TECPR2: variants seen among roughly 807,000 people sequenced by gnomAD.
TECPR2 encodes tectonin beta-propeller repeat-containing protein 2.
A neutral mutation model predicts 138.1 loss-of-function variants in TECPR2; 65 were observed. The observed-to-expected ratio is 0.47, with a 90% CI of 0.39 to 0.58. The LOEUF is 0.58. TECPR2 is among the 20% of genes least tolerant of loss of function. The pLI, the probability that TECPR2 is intolerant of heterozygous loss-of-function variation, is 0.00. For missense variants in TECPR2, 1,553 were observed against 1,824.5 expected (o/e 0.85, Z 2.71); for synonymous variants, 746 against 749.8 (o/e 0.99, Z 0.08).
chr14:102,496,939 C>A (rs770334758), intron 17 of TECPR2, 40 bp from the exon 18 acceptor site: 1 of 1,605,996 alleles, frequency 6.2e-7, no homozygotes, highest in African/African-American at 1.3e-5. Flanking sequence ...CTCTTGTCAC[C>A]CAACTCCTGC....
Position 102,498,570 on chromosome 14 carries a change from G to T in TECPR2, c.*313G>T. 1 of 458,858 alleles carries T rather than the reference G, an allele frequency of 2.2e-6. No homozygotes were observed. The highest frequency in any genetic ancestry group is 4.0e-6 in the Non-Finnish European group (1 of 247,870). The allele number at this position is 458,858 out of a possible 1,614,324, so 28.4% of individuals were successfully genotyped here. ...TCATCCACAGATAGCTCCAGCTTTT[G>T]TTGGTGGGAGTGGTCTCCGGAGGCC... On this transcript the variant is annotated 3_prime_UTR_variant, in exon 20 of 20. Coordinates refer to ENST00000359520, the MANE Select transcript of TECPR2 (RefSeq NM_014844.5).
intron 5 of TECPR2, among the ~76,000 whole-genome samples, chr14:102,417,885 C>T (rs1296357365): frequency 6.9e-5 from 10 of 145,526 alleles, no homozygotes; most frequent in African/African-American, 2.6e-4. Flanking sequence ...GAGGCTGGCA[C>T]GGGAGTCCAG....
intron 2 of TECPR2, among the ~76,000 whole-genome samples, chr14:102,381,540 C>T (rs910025941): frequency 6.6e-6 from 1 of 152,182 alleles, no homozygotes; most frequent in South Asian, 2.1e-4. Context: ...TGCCAGTGCA[C>T]TCCAGCCTAG....
At chr14:102,469,430 C>T (rs1890615568) in intron 17 of TECPR2, among the ~76,000 whole-genome samples, 2 of 152,136 alleles carry the variant, frequency 1.3e-5, no homozygotes, top group South Asian at 4.1e-4. Context: ...CCTTGCTAAA[C>T]TTGTTTATTG....
At chr14:102,445,616 T>C (rs1889953890) in intron 12 of TECPR2, among the ~76,000 whole-genome samples, 190 bp from the exon 13 acceptor site, 1 of 152,130 alleles carries the variant, frequency 6.6e-6, no homozygotes, top group Admixed American at 6.6e-5. Context: ...GCCACCCACT[T>C]GAACCATATC....
intron 17 of TECPR2, among the ~76,000 whole-genome samples, chr14:102,474,605 C>T (rs749213440): frequency 4.2e-4 from 64 of 152,108 alleles, no homozygotes; most frequent in Non-Finnish European, 8.2e-4. Context: ...GCCTGGACAA[C>T]AAGAGCGAAA....
At chr14:102,435,932 C>T (rs1335243700) in intron 9 of TECPR2, among the ~76,000 whole-genome samples, 4 of 152,148 alleles carry the variant, frequency 2.6e-5, no homozygotes, top group South Asian at 2.1e-4. Flanking sequence ...TACTAACTGT[C>T]GATGTGAGGT....
chr14:102,383,965 G>T (rs1356491733), intron 2 of TECPR2, among the ~76,000 whole-genome samples: 1 of 147,554 alleles, frequency 6.8e-6, no homozygotes, highest in Non-Finnish European at 1.5e-5. Flanking sequence ...TTGTTGCCTA[G>T]CCTGGAGTGC....
intron 17 of TECPR2, among the ~76,000 whole-genome samples, chr14:102,488,460 C>T (rs147871465): frequency 0.028 from 4,319 of 152,114 alleles, 81 homozygotes; most frequent in Middle Eastern, 0.092. Flanking sequence ...CTGCCTCAGC[C>T]TCCTGAGTAG....
In TECPR2 at chr14:102,499,560, G is replaced by A. The variant is rs1044502; in HGVS notation, c.*1303G>A. 0.39 allele frequency: 140,709 copies of A among 358,760 alleles called. 31,437 individuals are homozygous for A. Among genetic ancestry groups the A allele is most frequent in the African/African-American group, 0.7 (33,475 of 47,970 alleles). 22.2% of individuals were successfully genotyped at this position (358,760 alleles called of 1,614,324 possible). A position where few individuals can be genotyped will look rare whatever the true frequency, so the allele number is the denominator to read the frequency against. On this transcript the variant is annotated 3_prime_UTR_variant, in exon 20 of 20. Transcript: ENST00000359520. ...CCGAGTGGCAGCCCATGCCTTCTGC[G>A]GGGTATGGGTTGACACTTGACAGGT...
At chr14:102,471,105 C>T (rs1890645331) in intron 17 of TECPR2, among the ~76,000 whole-genome samples, 1 of 152,136 alleles carries the variant, frequency 6.6e-6, no homozygotes, top group Non-Finnish European at 1.5e-5. Flanking sequence ...ACGTGAGTCA[C>T]TGTGCCCAGC....
At chr14:102,417,870 G>A (rs1170256947) in intron 5 of TECPR2, among the ~76,000 whole-genome samples, 10 of 150,890 alleles carry the variant, frequency 6.6e-5, no homozygotes, top group East Asian at 3.9e-4. Context: ...CAGGGGAGCC[G>A]TGGGGAGGCT....
In TECPR2 at chr14:102,487,138, G is replaced by A. The variant is rs1453576081; in HGVS notation, c.3790-9841G>A. Among the ~76,000 whole-genome samples the A allele has an allele frequency of 3.9e-5, 6 of 152,192 alleles. No homozygotes were observed. The East Asian group carries it at 1.2e-3, about 29-fold the overall frequency. On this transcript the variant is annotated intron_variant, in intron 17 of 19. Coordinates refer to ENST00000359520, the MANE Select transcript of TECPR2 (RefSeq NM_014844.5). Reference sequence around the variant, plus strand: ...AACAGGGAGGGAGAGAGACTTGGAGGGAAAAGAAAAGGCAGTGTGGAAAGC... The same window carrying A: ...AACAGGGAGGGAGAGAGACTTGGAGAGAAAAGAAAAGGCAGTGTGGAAAGC...
intron 17 of TECPR2, among the ~76,000 whole-genome samples, chr14:102,481,892 C>G (rs980298455): frequency 1.3e-5 from 2 of 152,286 alleles, no homozygotes; most frequent in South Asian, 4.1e-4. Context: ...TACTTCCACC[C>G]TGCCAGAGCT....
At chr14:102,387,726 C>T (rs1223832630) in intron 2 of TECPR2, among the ~76,000 whole-genome samples, 1 of 152,084 alleles carries the variant, frequency 6.6e-6, no homozygotes, top group Non-Finnish European at 1.5e-5. Context: ...CAGGGTTTCA[C>T]TGTGTTAGCC....
At chr14:102,489,521 A>G (rs146590879) in intron 17 of TECPR2, among the ~76,000 whole-genome samples, 46 of 151,966 alleles carry the variant, frequency 3.0e-4, no homozygotes, top group Admixed American at 5.2e-4. Flanking sequence ...CCTGGCCAAG[A>G]TGGTGAAACC....
In TECPR2 at chr14:102,450,503, A is replaced by G. The variant is rs1251873228; in HGVS notation, c.3317-57A>G. 1.9e-6 allele frequency: 3 copies of G among 1,551,712 alleles called. No individual in the cohort carries two copies. In the Admixed American group the frequency reaches 5.1e-5, roughly 26 times the overall value. On this transcript the variant is annotated intron_variant, in intron 14 of 19. Transcript: ENST00000359520. ...GCTGTCGTCCAGAACTAAGATCTGA[A>G]GTGGTTTTGTCTATGCTTTCTTTCT...
At position 102,432,113 on chromosome 14, in the gene TECPR2, A is replaced by G; in HGVS notation, c.1402A>G (p.Lys468Glu). The stretch of plus-strand genomic sequence containing the variant: ...GCCTATCAAAGTGAAAAGGAAGAAG[A>G]AGAAGAAGAAGACAGGTACCCTCTG... ...VKPIKVKRKK[K>E]KKKTEGGSRS... The change falls in exon 8 of 20, where the codon AAG (lysine) becomes GAG (glutamate). Residue 468 changes from lysine to glutamate, a missense_variant. Transcript: ENST00000359520. The G allele has an allele frequency of 1.3e-6, 2 of 1,583,356 alleles. No homozygotes were observed. The highest frequency in any genetic ancestry group is 1.7e-6 in the Non-Finnish European group (2 of 1,161,908).
intron 2 of TECPR2, among the ~76,000 whole-genome samples, chr14:102,382,961 T>C (rs896571346): frequency 6.6e-6 from 1 of 152,160 alleles, no homozygotes; most frequent in Admixed American, 6.5e-5. Flanking sequence ...TTTCACCACG[T>C]TGGCCAGGCT....
Sources: gnomAD v4.1 joint callset for allele counts (sites outside exome capture counted in the v4.1 genomes callset) on GRCh38, gnomAD v4.1.1 for gene constraint, MANE v1.5 for transcripts, NCBI Gene and HGNC (gene_info 2026-07-23, HGNC 2026-07-21) for gene names.